Variants in RFX3 observed in about 807,000 individuals in gnomAD.
The protein encoded by RFX3 is regulatory factor X3.
RFX3 carries 14 observed loss-of-function variants against 98.6 expected under a neutral mutation model. That is an observed-to-expected ratio of 0.14 (90% CI 0.09 to 0.22). The LOEUF (loss-of-function observed/expected upper bound fraction) is 0.22, where lower values mean the gene tolerates loss of function less well. Among genes scored for constraint, RFX3 ranks in the 10% least tolerant of loss-of-function variants. The pLI is 1.00. For missense variants in RFX3, 639 were observed against 926.9 expected (o/e 0.69, Z 4.03); for synonymous variants, 383 against 328.4 (o/e 1.17, Z -1.80).
rs144315805 is a variant in RFX3 at position 3,275,786 on chromosome 9, G to C, written c.974-174C>G. Among the ~76,000 whole-genome samples, 489 of 152,100 alleles carry C rather than the reference G, an allele frequency of 3.2e-3. 2 individuals carry two copies. Among genetic ancestry groups the C allele is most frequent in the Non-Finnish European group, 5.1e-3 (347 of 67,968 alleles). ...CAAGTAAAACTAAGCAACATCATCA[G>C]CACAAAATATAAAACTAAAGGGAAC... On this transcript the variant is annotated intron_variant, in intron 8 of 16. Transcript: ENST00000617270.
intron 1 of RFX3, among the ~76,000 whole-genome samples, chr9:3,504,042 G>C (rs923444042): frequency 6.7e-6 from 1 of 149,822 alleles, no homozygotes. Context: ...TGGACTTCAA[G>C]AATTTAATTT....
chr9:3,255,837 T>C (rs1822062423), intron 14 of RFX3, among the ~76,000 whole-genome samples: 1 of 152,198 alleles, frequency 6.6e-6, no homozygotes, highest in African/African-American at 2.4e-5. Flanking sequence ...ATCTATACTA[T>C]TTTAGTCAAA....
Position 3,265,790 on chromosome 9 carries a change from T to C in RFX3, c.1455+418A>G, listed in dbSNP as rs370194816. 5.1e-4 allele frequency among the ~76,000 whole-genome samples: 77 copies of C among 152,266 alleles called. 4 individuals carry two copies. In the South Asian group the frequency reaches 0.015, roughly 30 times the overall value. ...AAACAATATTAATTTCTATGAACTT[T>C]TCAGGATATGATAAGTATAGCAGGA... On this transcript the variant is annotated intron_variant, in intron 12 of 16. Transcript: ENST00000617270.
intron 1 of RFX3, among the ~76,000 whole-genome samples, chr9:3,477,371 A>T (rs1308226929): frequency 6.6e-6 from 1 of 152,144 alleles, no homozygotes; most frequent in Non-Finnish European, 1.5e-5. Flanking sequence ...AACATTTCTT[A>T]GAGTTCGTGA....
intron 4 of RFX3, chr9:3,323,945 G>A (rs1386792618): frequency 2.7e-6 from 1 of 369,964 alleles, no homozygotes; most frequent in Non-Finnish European, 6.2e-6. Context: ...TACAGATGAA[G>A]TGATGGAGAC....
intron 2 of RFX3, among the ~76,000 whole-genome samples, chr9:3,366,752 T>TTCTTTCTTTCC (rs1403438793): frequency 6.8e-6 from 1 of 147,068 alleles, no homozygotes; most frequent in African/African-American, 2.5e-5. Context: ...CTTTCTTTCT[T>TTCTTTCTTTCC]TTTGGCTATT....
intron 11 of RFX3, among the ~76,000 whole-genome samples, chr9:3,269,821 T>C (rs1319117011): frequency 3.3e-5 from 5 of 152,128 alleles, no homozygotes; most frequent in Admixed American, 6.6e-5. Context: ...ACAAAGTAAA[T>C]GCTTTTATAA....
intron 7 of RFX3, among the ~76,000 whole-genome samples, chr9:3,284,762 A>C (rs1056093526): frequency 6.6e-6 from 1 of 151,742 alleles, no homozygotes; most frequent in Non-Finnish European, 1.5e-5. Flanking sequence ...CTGTGAATCA[A>C]GTGGGCTCTA....
chr9:3,249,518 G>A (rs994581380), intron 14 of RFX3, among the ~76,000 whole-genome samples: 6 of 152,198 alleles, frequency 3.9e-5, no homozygotes, highest in Admixed American at 2.0e-4. Flanking sequence ...TGACTAGAAC[G>A]CTATTCAAAT....
intron 3 of RFX3, 123 bp downstream of exon 3, chr9:3,346,544 A>ACT (rs34522821): frequency 0.52 from 336,108 of 652,446 alleles, 92,936 homozygotes; most frequent in African/African-American, 0.88. Flanking sequence ...AATTTCAATA[A>ACT]CTGTTCTAGT....
intron 4 of RFX3, among the ~76,000 whole-genome samples, chr9:3,305,470 C>T (rs565695108): frequency 2.6e-5 from 4 of 151,690 alleles, no homozygotes; most frequent in African/African-American, 4.8e-5. Context: ...TCTGGGACAA[C>T]AGTAAAGGAA....
At chr9:3,414,302 A>G (rs1842700047) in intron 1 of RFX3, among the ~76,000 whole-genome samples, 1 of 152,094 alleles carries the variant, frequency 6.6e-6, no homozygotes. Flanking sequence ...TTTGTGTTCC[A>G]TATTTGAAAT....
chr9:3,224,013 G>A lies in RFX3; in HGVS notation c.*1029C>T, dbSNP rs181587371. 23 of 152,198 alleles carry A rather than the reference G, an allele frequency of 1.5e-4. No homozygotes were observed. Among genetic ancestry groups the A allele is most frequent in the African/African-American group, 5.3e-4 (22 of 41,514 alleles). 9.4% of individuals were successfully genotyped at this position (152,198 alleles called of 1,614,324 possible). The stretch of plus-strand genomic sequence containing the variant: ...AGGAAATAGTTTTGAAGGAAATAAC[G>A]TTATGTAGGTTGCTACATTCCTTGC... On this transcript the variant is annotated 3_prime_UTR_variant, in exon 17 of 17. Coordinates refer to ENST00000617270, the MANE Select transcript of RFX3 (RefSeq NM_001282116.2).
intron 15 of RFX3, among the ~76,000 whole-genome samples, chr9:3,233,255 C>T (rs377130292): frequency 7.9e-5 from 12 of 152,314 alleles, no homozygotes; most frequent in African/African-American, 2.4e-4. Flanking sequence ...GGGCAATGAT[C>T]GGCAGGATCC....
In RFX3 at chr9:3,259,665, C is replaced by CA. The variant is rs557734831; in HGVS notation, c.1606-2467dup. 3.4e-4 allele frequency among the ~76,000 whole-genome samples: 52 copies of CA among 150,874 alleles called. No homozygotes were observed. The South Asian group carries it at 7.8e-3, about 23-fold the overall frequency. On this transcript the variant is annotated intron_variant, in intron 13 of 16. Coordinates refer to ENST00000617270, the MANE Select transcript of RFX3 (RefSeq NM_001282116.2). ...TAGATCTCAAAAACCACCATTTACA[C>CA]AAAAAATTAGAGAATTATGCCATCG...
intron 1 of RFX3, chr9:3,452,426 A>G (rs1483256814): frequency 2.3e-5 from 5 of 217,850 alleles, no homozygotes; most frequent in Non-Finnish European, 4.0e-5. Context: ...CACCAGGTCT[A>G]TAAAATAATA....
intron 3 of RFX3, among the ~76,000 whole-genome samples, chr9:3,344,476 T>C (rs1412884933): frequency 1.3e-5 from 2 of 152,188 alleles, no homozygotes; most frequent in Non-Finnish European, 2.9e-5. Flanking sequence ...ATTTCAGATT[T>C]TCGGCTCAAC....
At chr9:3,232,322 T>C (rs1418563589) in intron 15 of RFX3, among the ~76,000 whole-genome samples, 1 of 152,138 alleles carries the variant, frequency 6.6e-6, no homozygotes, top group Non-Finnish European at 1.5e-5. Flanking sequence ...AGACTGCGAG[T>C]GTCACACAGT....
chr9:3,232,073 A>AGC (rs1470159547), intron 15 of RFX3, among the ~76,000 whole-genome samples: 2 of 152,008 alleles, frequency 1.3e-5, no homozygotes, highest in Non-Finnish European at 2.9e-5. Context: ...CAAGCAAGCA[A>AGC]ACAAACAAAA....
Sources: gnomAD v4.1 joint callset for allele counts (sites outside exome capture counted in the v4.1 genomes callset) on GRCh38, gnomAD v4.1.1 for gene constraint, MANE v1.5 for transcripts, NCBI Gene and HGNC (gene_info 2026-07-23, HGNC 2026-07-21) for gene names.